SPATA13: variants seen among roughly 807,000 people sequenced by gnomAD.
The protein encoded by SPATA13 is spermatogenesis associated 13.
In SPATA13, 50 loss-of-function variants were observed where a neutral mutation model predicts 104.0. The observed-to-expected ratio is 0.48, with a 90% CI of 0.38 to 0.61. The LOEUF is 0.61. Among genes scored for constraint, SPATA13 ranks in the 20% least tolerant of loss-of-function variants. The pLI is 0.00. For synonymous variants in SPATA13, 606 were observed against 667.5 expected, an observed-to-expected ratio of 0.91 and a Z score of 1.42; for missense variants, 1,524 against 1,690.6, an observed-to-expected ratio of 0.90 and a Z score of 1.73.
At chr13:24,188,344 TAA>T (rs34253672) in intron 1 of SPATA13, among the ~76,000 whole-genome samples, 21 of 149,932 alleles carry the variant, frequency 1.4e-4, no homozygotes, top group South Asian at 4.2e-4. Flanking sequence ...AAAAAAATAA[TAA>T]AAAAAAAAAG....
intron 1 of SPATA13, among the ~76,000 whole-genome samples, chr13:24,198,189 T>C (rs1272418573): frequency 6.6e-6 from 1 of 152,152 alleles, no homozygotes; most frequent in Non-Finnish European, 1.5e-5. Context: ...GAGACGGGGT[T>C]TCACTGTGTT....
intron 7 of SPATA13, among the ~76,000 whole-genome samples, chr13:24,287,402 C>A (rs9511180): frequency 0.99 from 151,250 of 152,302 alleles, 75,114 homozygotes; most frequent in Middle Eastern, 1. Context: ...GACTGAAGCA[C>A]TTTTCCTGCC....
intron 3 of SPATA13, among the ~76,000 whole-genome samples, chr13:24,023,560 G>T (rs974133728): frequency 6.6e-5 from 10 of 152,150 alleles, no homozygotes; most frequent in African/African-American, 2.4e-4. Flanking sequence ...GTTGCAGATG[G>T]ACTTAAGGTT....
In SPATA13 at chr13:24,305,389, G is replaced by A. The variant is rs1197447823; in HGVS notation, c.*2616G>A. The A allele has an allele frequency of 6.6e-6, 1 of 152,210 alleles. No homozygotes were observed. Among genetic ancestry groups the A allele is most frequent in the Non-Finnish European group, 1.5e-5 (1 of 68,040 alleles). The allele number at this position is 152,210 out of a possible 1,614,324, so 9.4% of individuals were successfully genotyped here. A position where few individuals can be genotyped will look rare whatever the true frequency, so the allele number is the denominator to read the frequency against. On this transcript the variant is annotated 3_prime_UTR_variant, in exon 13 of 13. Coordinates refer to ENST00000382108, the MANE Select transcript of SPATA13 (RefSeq NM_001166271.3). ...TCTCCTGGGTGGATCCTACTTGGAT[G>A]TTCAGGTGATTTTGAAAACTGCTAA...
chr13:24,150,766 C>A (rs539138881), intron 3 of SPATA13, among the ~76,000 whole-genome samples: 59 of 152,296 alleles, frequency 3.9e-4, no homozygotes, highest in African/African-American at 1.3e-3. Flanking sequence ...GAACCCACAT[C>A]TTCTCTCCTA....
chr13:24,228,466 C>T (rs1369701441), intron 2 of SPATA13, among the ~76,000 whole-genome samples: 8 of 152,160 alleles, frequency 5.3e-5, no homozygotes, highest in African/African-American at 1.2e-4. Context: ...TGGCTTTACC[C>T]ATAACTTATA....
At chr13:24,236,180 C>T (rs895025861) in intron 2 of SPATA13, among the ~76,000 whole-genome samples, 1 of 152,154 alleles carries the variant, frequency 6.6e-6, no homozygotes, top group African/African-American at 2.4e-5. Context: ...GCCTCCTCAT[C>T]TCTTGAGGAA....
At chr13:24,038,167 C>A (rs1471111622) in intron 3 of SPATA13, among the ~76,000 whole-genome samples, 1 of 152,176 alleles carries the variant, frequency 6.6e-6, no homozygotes, top group African/African-American at 2.4e-5. Context: ...CCTGCCTCGA[C>A]CTCCGAAAGT....
Position 24,249,165 on chromosome 13 carries a change from C to T in SPATA13, c.1654-312C>T, listed in dbSNP as rs1156752768. On this transcript the variant is annotated intron_variant, in intron 2 of 12. Coordinates refer to ENST00000382108, the MANE Select transcript of SPATA13 (RefSeq NM_001166271.3). ...GATTACAGGCATGAGCCACCGCATC[C>T]GGCCAGTGCTGATTTTCTTAATGCC... is the stretch of plus-strand genomic sequence containing the variant. Among the ~76,000 whole-genome samples the T allele has an allele frequency of 3.3e-5, 5 of 152,168 alleles. No homozygotes were observed. The South Asian group carries it at 1.0e-3, about 32-fold the overall frequency.
chr13:24,271,634 A>G (rs1874618933), intron 4 of SPATA13, among the ~76,000 whole-genome samples: 1 of 152,224 alleles, frequency 6.6e-6, no homozygotes, highest in Admixed American at 6.5e-5. Context: ...CTGAAAAGGA[A>G]GTAAGAAAAA....
At position 24,141,058 on chromosome 13, in the gene SPATA13, C is replaced by T. The variant is rs1276234465; in HGVS notation, c.-111-81761C>T. ...GGCATGGTAGCGAGCACCTGTAATCCCAGCTACTCAGGAGGCTGAGGCAGG... is the reference window on the plus strand; with the variant it reads ...GGCATGGTAGCGAGCACCTGTAATCTCAGCTACTCAGGAGGCTGAGGCAGG... On this transcript the variant is annotated intron_variant, in intron 3 of 14. Coordinates refer to the SPATA13 transcript ENST00000424834. 4.6e-5 allele frequency among the ~76,000 whole-genome samples: 7 copies of T among 151,920 alleles called. No individual in the cohort carries two copies. In the East Asian group the frequency reaches 1.4e-3, roughly 29 times the overall value.
intron 2 of SPATA13, among the ~76,000 whole-genome samples, chr13:24,244,155 C>T (rs544129542): frequency 1.1e-4 from 17 of 152,334 alleles, no homozygotes; most frequent in Non-Finnish European, 2.4e-4. Flanking sequence ...CCTCTGTCCT[C>T]CCATGACTTC....
At chr13:24,277,462 AG>A (rs1555275135) in intron 4 of SPATA13, among the ~76,000 whole-genome samples, 21,964 of 67,040 alleles carry the variant, frequency 0.33, 2,066 homozygotes, top group Middle Eastern at 0.47. Flanking sequence ...AAAAAAAAAA[AG>A]AAGAAGTTCA....
rs1387436031 is a variant in SPATA13 at position 24,088,384 on chromosome 13, C to T, written c.-112+70683C>T. 1.3e-5 allele frequency among the ~76,000 whole-genome samples: 2 copies of T among 152,192 alleles called. No homozygotes were observed. The highest frequency in any genetic ancestry group is 4.8e-5 in the African/African-American group (2 of 41,446). Reference sequence around the variant, plus strand: ...CTGACTTCAAGTTCTGAACCCTGCACTCCATGCTCCAGTGTGGAGCCGCAG... The same window carrying T: ...CTGACTTCAAGTTCTGAACCCTGCATTCCATGCTCCAGTGTGGAGCCGCAG... On this transcript the variant is annotated intron_variant, in intron 3 of 14. Transcript: ENST00000424834. The surrounding 1 kb of genome is among the most constrained non-coding windows in gnomAD (Gnocchi z 4.3).
At chr13:24,002,552 A>AG (rs1876027685) in intron 2 of SPATA13, among the ~76,000 whole-genome samples, 1 of 152,088 alleles carries the variant, frequency 6.6e-6, no homozygotes, top group Non-Finnish European at 1.5e-5. Context: ...AGGCCTGGTC[A>AG]GGGGGGTGAG....
chr13:24,249,971 A>C, intron 3 of SPATA13, 129 bp downstream of exon 3: 1 of 1,229,410 alleles, frequency 8.1e-7, no homozygotes, highest in Non-Finnish European at 1.1e-6. Context: ...GTACTTAACC[A>C]CCTTTTCTTC....
intron 1 of SPATA13, among the ~76,000 whole-genome samples, chr13:24,191,732 G>C (rs1241065595): frequency 6.6e-6 from 1 of 151,836 alleles, no homozygotes; most frequent in African/African-American, 2.4e-5. Flanking sequence ...GGATGGTCTT[G>C]ATCTCCTGAC....
intron 3 of SPATA13, among the ~76,000 whole-genome samples, chr13:24,045,922 C>T (rs190703100): frequency 5.9e-5 from 9 of 152,272 alleles, no homozygotes; most frequent in Admixed American, 5.2e-4. Context: ...TCATAGTACC[C>T]ACCTCAATGG....
chr13:24,233,922 CACACACTGA>C (rs1292105964), intron 2 of SPATA13, among the ~76,000 whole-genome samples: 1 of 139,192 alleles, frequency 7.2e-6, no homozygotes, highest in East Asian at 2.0e-4. Flanking sequence ...CACACACACA[CACACACTGA>C]TAAGATTATT....
Sources: allele counts gnomAD v4.1 joint callset (sites outside exome capture counted in the v4.1 genomes callset), GRCh38; gene constraint gnomAD v4.1.1; non-coding constraint Gnocchi (gnomAD v3.1); transcripts MANE v1.5; gene names NCBI Gene and HGNC (gene_info 2026-07-23, HGNC 2026-07-21).